Variants in TTC9 observed in about 807,000 individuals in gnomAD.
TTC9 encodes tetratricopeptide repeat protein 9A.
In TTC9, 13 loss-of-function variants were observed where a neutral mutation model predicts 22.9. The observed-to-expected ratio is 0.57, with a 90% CI of 0.37 to 0.90. The LOEUF (loss-of-function observed/expected upper bound fraction) is 0.90, where lower values mean the gene tolerates loss of function less well. Ranked by LOEUF, TTC9 falls within the 40% of genes least tolerant of loss-of-function variation. TTC9 has a pLI of 0.01. For missense variants in TTC9, 280 were observed against 291.8 expected, an observed-to-expected ratio of 0.96 and a Z score of 0.29; for synonymous variants, 148 against 133.2, an observed-to-expected ratio of 1.11 and a Z score of -0.77.
chr14:70,642,049 C>T lies in TTC9; in HGVS notation c.-81C>T. The T allele has an allele frequency of 1.0e-6, 1 of 969,476 alleles. No homozygotes were observed. The highest frequency in any genetic ancestry group is 1.8e-5 in the African/African-American group (1 of 56,242). 60.1% of individuals were successfully genotyped at this position (969,476 alleles called of 1,614,324 possible). The stretch of plus-strand genomic sequence containing the variant: ...CGAGGCGCGGGGCCGGCGCCCGCGG[C>T]TTTTAAACCCGGGAAGGCGCGGCGG... On this transcript the variant is annotated 5_prime_UTR_variant, in exon 1 of 3. Transcript: ENST00000256367.
At chr14:70,663,165 C>T (rs1886167892) in intron 1 of TTC9, among the ~76,000 whole-genome samples, 2 of 152,190 alleles carry the variant, frequency 1.3e-5, no homozygotes, top group African/African-American at 2.4e-5. Flanking sequence ...TCTTTTCCAG[C>T]TTCACCTTTT....
At chr14:70,670,772 G>C (rs1275927708) in intron 2 of TTC9, among the ~76,000 whole-genome samples, 4 of 152,146 alleles carry the variant, frequency 2.6e-5, no homozygotes, top group Admixed American at 2.6e-4. Context: ...TAACTGCGCC[G>C]GCTGGGAAAC....
intron 2 of TTC9, among the ~76,000 whole-genome samples, chr14:70,669,005 A>G (rs1322283676): frequency 6.6e-6 from 1 of 151,490 alleles, no homozygotes; most frequent in African/African-American, 2.4e-5. Context: ...AAATACAAAA[A>G]ATTATCTGGG....
At chr14:70,669,580 C>G (rs1886263520) in intron 2 of TTC9, among the ~76,000 whole-genome samples, 2 of 138,404 alleles carry the variant, frequency 1.4e-5, no homozygotes, top group South Asian at 4.6e-4. Context: ...CACACCCAGC[C>G]TTTTTTTTTT....
intron 1 of TTC9, among the ~76,000 whole-genome samples, chr14:70,661,357 A>T (rs1434438457): frequency 2.0e-5 from 3 of 152,208 alleles, no homozygotes; most frequent in Non-Finnish European, 4.4e-5. Context: ...GAGGACTGTA[A>T]CGTATCCTGT....
chr14:70,660,915 C>T (rs1166325270), intron 1 of TTC9, among the ~76,000 whole-genome samples: 4 of 152,192 alleles, frequency 2.6e-5, no homozygotes, highest in Non-Finnish European at 4.4e-5. Flanking sequence ...ACCCAATGGC[C>T]ATTTCCTGGG....
chr14:70,658,276 C>T (rs1474483669), intron 1 of TTC9, among the ~76,000 whole-genome samples: 4 of 152,062 alleles, frequency 2.6e-5, no homozygotes, highest in Non-Finnish European at 4.4e-5. Flanking sequence ...TGTAAAACAC[C>T]GTATATATGT....
At chr14:70,659,126 A>ACG (rs200700512) in intron 1 of TTC9, among the ~76,000 whole-genome samples, 5 of 131,544 alleles carry the variant, frequency 3.8e-5, no homozygotes, top group African/African-American at 1.1e-4. Flanking sequence ...CTAAACACAC[A>ACG]CACACGCACA....
chr14:70,673,738 GTAAT>G lies in TTC9; in HGVS notation c.*2586_*2589del, dbSNP rs1886330193. The G allele has an allele frequency of 6.6e-6, 1 of 152,266 alleles. No homozygotes were observed. The highest frequency in any genetic ancestry group is 2.1e-4 in the South Asian group (1 of 4,824). The allele number at this position is 152,266 out of a possible 1,614,324, so 9.4% of individuals were successfully genotyped here. On this transcript the variant is annotated 3_prime_UTR_variant, in exon 3 of 3. Transcript: ENST00000256367. Reference sequence around the variant, plus strand: ...CTTTGTGCGTCAGGAAGGACTCCGAGTAATTATTCCCTATGCAGAGACAGGAGAG... The same window carrying G: ...CTTTGTGCGTCAGGAAGGACTCCGAGTATTCCCTATGCAGAGACAGGAGAG...
chr14:70,653,707 CCT>C (rs1566697332), intron 1 of TTC9, among the ~76,000 whole-genome samples: 1 of 138,690 alleles, frequency 7.2e-6, no homozygotes, highest in African/African-American at 2.7e-5. Context: ...CAGGATTCCC[CCT>C]GACCCTGTCT....
intron 1 of TTC9, among the ~76,000 whole-genome samples, chr14:70,653,786 G>A (rs573197025): frequency 9.2e-5 from 14 of 152,208 alleles, no homozygotes; most frequent in Non-Finnish European, 1.6e-4. Flanking sequence ...GAATCTGACA[G>A]CGGAAAATAA....
In TTC9 at chr14:70,672,877, C is replaced by G. The variant is rs1312730851; in HGVS notation, c.*1722C>G. On this transcript the variant is annotated 3_prime_UTR_variant, in exon 3 of 3. Transcript: ENST00000256367. ...GGCCTGCCTGACTCCAGAGCTCTGG[C>G]TAGTATCTATGCTATACTTAGTTGC... 1.3e-5 allele frequency: 2 copies of G among 152,200 alleles called. No individual in the cohort carries two copies. The highest frequency in any genetic ancestry group is 4.8e-5 in the African/African-American group (2 of 41,446). The allele number at this position is 152,200 out of a possible 1,614,324, so 9.4% of individuals were successfully genotyped here. A position where few individuals can be genotyped will look rare whatever the true frequency, so the allele number is the denominator to read the frequency against.
At chr14:70,654,830 T>C (rs964310391) in intron 1 of TTC9, among the ~76,000 whole-genome samples, 2 of 151,954 alleles carry the variant, frequency 1.3e-5, no homozygotes, top group Non-Finnish European at 2.9e-5. Flanking sequence ...AAAGCCACCG[T>C]ACAAAAAAAT....
At chr14:70,647,501 A>G (rs1381037110) in intron 1 of TTC9, among the ~76,000 whole-genome samples, 2 of 151,328 alleles carry the variant, frequency 1.3e-5, no homozygotes, top group African/African-American at 4.9e-5. Context: ...TTCTGAGAAC[A>G]TTTTTTTTTG....
intron 1 of TTC9, among the ~76,000 whole-genome samples, chr14:70,659,132 G>GCGCGCACACACA (rs762892061): frequency 1.2e-3 from 174 of 144,320 alleles, no homozygotes; most frequent in East Asian, 8.5e-3. Flanking sequence ...ACACACACAC[G>GCGCGCACACACA]CACACACACA....
At chr14:70,664,684 G>A (rs537997229) in intron 1 of TTC9, among the ~76,000 whole-genome samples, 19 of 149,946 alleles carry the variant, frequency 1.3e-4, no homozygotes, top group East Asian at 9.8e-4. Flanking sequence ...AGCCGAGATC[G>A]CACCACTGCA....
At chr14:70,642,630 G>A (rs1594732815) in intron 1 of TTC9, 95 bp downstream of exon 1, 5 of 1,235,424 alleles carry the variant, frequency 4.0e-6, no homozygotes, top group East Asian at 2.7e-5. Flanking sequence ...AGATTCTCCT[G>A]CTGTGACTGT....
At chr14:70,666,287 CTGTT>C (rs954852046) in intron 1 of TTC9, among the ~76,000 whole-genome samples, 3 of 152,252 alleles carry the variant, frequency 2.0e-5, no homozygotes, top group Non-Finnish European at 4.4e-5. Flanking sequence ...TCAAAGATGG[CTGTT>C]TGTGGGATGG....
chr14:70,651,797 C>T (rs1885988350), intron 1 of TTC9, among the ~76,000 whole-genome samples: 1 of 152,140 alleles, frequency 6.6e-6, no homozygotes, highest in Non-Finnish European at 1.5e-5. Flanking sequence ...TGCTCAGCAT[C>T]CAAGGTTCTT....
Sources: gnomAD v4.1 joint callset for allele counts (sites outside exome capture counted in the v4.1 genomes callset) on GRCh38, gnomAD v4.1.1 for gene constraint, MANE v1.5 for transcripts, NCBI Gene and HGNC (gene_info 2026-07-23, HGNC 2026-07-21) for gene names.